TRIML1: variants seen among roughly 807,000 people sequenced by gnomAD.
TRIML1 encodes the protein tripartite motif family like 1.
Under a neutral mutation model 32.3 loss-of-function variants are expected in TRIML1, and 34 were observed. That is an observed-to-expected ratio of 1.05 (90% CI 0.80 to 1.40). TRIML1 has a LOEUF of 1.40. Ranked by LOEUF, TRIML1 falls within the 40% of genes most tolerant of loss-of-function variation. The pLI is 0.00. For missense variants in TRIML1, 595 were observed against 574.9 expected, an observed-to-expected ratio of 1.03 and a Z score of -0.36; for synonymous variants, 244 against 226.6, an observed-to-expected ratio of 1.08 and a Z score of -0.69.
rs745555450 is a variant in TRIML1, at chr4:188,139,831, G to T, written c.273G>T (p.Glu91Asp). 1.2e-6 allele frequency: 2 copies of T among 1,613,794 alleles called. No homozygotes were observed. Among genetic ancestry groups the T allele is most frequent in the Non-Finnish European group, 1.7e-6 (2 of 1,180,042 alleles). ...CCCAGGTGCTGCAGAGCGAGGATGA[G>T]CAGGGCAGCTACGGGAGGATGCCCA... is the stretch of plus-strand genomic sequence containing the variant. ...LRSQVLQSED[E>D]QGSYGRMPTT... is the part of the protein sequence containing the mutation. The change falls in exon 1 of 6, where the codon GAG becomes GAT. Residue 91 changes from glutamate to aspartate, a missense_variant. Glu to Asp is a conservative substitution (Grantham distance 45, BLOSUM62 2). Transcript: ENST00000332517.
chr4:188,145,789 C>T (rs1479874299), intron 5 of TRIML1, among the ~76,000 whole-genome samples: 2 of 152,174 alleles, frequency 1.3e-5, no homozygotes, highest in Admixed American at 6.5e-5. Flanking sequence ...GCAGTCCAGG[C>T]TGGGCAACAA....
chr4:188,142,573 T>C (rs1734904342), intron 3 of TRIML1, 91 bp downstream of exon 3: 2 of 1,049,592 alleles, frequency 1.9e-6, no homozygotes, highest in Admixed American at 2.7e-5. Context: ...TTATTCATCT[T>C]AAAAACTAAG....
At chr4:188,138,683 C>T (rs146684523), upstream of TRIML1, among the ~76,000 whole-genome samples, 33 of 152,110 alleles carry the variant, frequency 2.2e-4, no homozygotes, top group African/African-American at 7.2e-4. Flanking sequence ...TTGAAGGGGC[C>T]TAGTTTGGAA....
intron 2 of TRIML1, among the ~76,000 whole-genome samples, chr4:188,141,278 C>A (rs1040004318): frequency 1.3e-5 from 2 of 150,830 alleles, no homozygotes; most frequent in Non-Finnish European, 2.9e-5. Context: ...AGTGATTCTC[C>A]TGCCTCAGCC....
At chr4:188,141,194 GTC>G (rs554571767) in intron 2 of TRIML1, among the ~76,000 whole-genome samples, 1 of 117,198 alleles carries the variant, frequency 8.5e-6, no homozygotes, top group Non-Finnish European at 1.7e-5. Flanking sequence ...TGGAGATGGA[GTC>G]TCTCTCTGTC....
chr4:188,142,661 A>AG (rs199944407), intron 3 of TRIML1, among the ~76,000 whole-genome samples, 179 bp downstream of exon 3: 2,177 of 134,628 alleles, frequency 0.016, 53 homozygotes, highest in African/African-American at 0.072. Flanking sequence ...AGAGAGAGAG[A>AG]AAAAAAAAAA....
chr4:188,139,610 A>G lies in TRIML1; in HGVS notation c.52A>G (p.Ile18Val), dbSNP rs1734767703. Reference protein sequence around the residue: ...ENLREELTCFICLDYFSSPVT... With the variant: ...ENLREELTCFVCLDYFSSPVT... ...CCTCAGGGAGGAACTCACCTGTTTC[A>G]TCTGCTTAGACTATTTCAGCAGCCC... Residue 18 changes from isoleucine (I) to valine (V), a missense_variant, in exon 1 of 6, where the codon ATC becomes GTC. Transcript: ENST00000332517. 3.7e-6 allele frequency: 6 copies of G among 1,611,206 alleles called. 1 individual carries two copies. In the South Asian group the frequency reaches 6.6e-5, roughly 18 times the overall value.
rs944880324 is a variant in TRIML1 at position 188,140,517 on chromosome 4, T to C, written c.409-11T>C. ...TGCTCATTTGCCAGAAAGGGTTTGT[T>C]TCTATTGCAGGAGAAACTCCAGGAA... is the stretch of plus-strand genomic sequence containing the variant. On this transcript the variant is annotated splice_polypyrimidine_tract_variant and intron_variant, in intron 1 of 5. Transcript: ENST00000332517. The C allele has an allele frequency of 8.1e-6, 13 of 1,606,502 alleles. No individual in the cohort carries two copies. The African/African-American group carries it at 1.8e-4, about 22-fold the overall frequency.
At chr4:188,144,481 G>A (rs954082226) in intron 5 of TRIML1, among the ~76,000 whole-genome samples, 4 of 143,766 alleles carry the variant, frequency 2.8e-5, no homozygotes, top group Non-Finnish European at 4.6e-5. Flanking sequence ...TCCTGCCTCA[G>A]CCTCCCGAGT....
chr4:188,137,752 C>T (rs1734704501), upstream of TRIML1, among the ~76,000 whole-genome samples: 2 of 151,884 alleles, frequency 1.3e-5, no homozygotes, highest in Non-Finnish European at 2.9e-5. Context: ...GCTGGGATTA[C>T]AGGCATGAAC....
chr4:188,140,115 C>CT (rs1368581371), intron 1 of TRIML1, 149 bp downstream of exon 1: 20 of 793,776 alleles, frequency 2.5e-5, no homozygotes, highest in Admixed American at 9.5e-5. Flanking sequence ...AGTTTACACC[C>CT]TTTTTTTTCC....
chr4:188,142,640 T>C (rs1734906255), intron 3 of TRIML1, among the ~76,000 whole-genome samples, 158 bp downstream of exon 3: 1 of 150,600 alleles, frequency 6.6e-6, no homozygotes. Flanking sequence ...CAATAAAGCC[T>C]TATAGAAGAG....
At chr4:188,143,655 G>T in intron 3 of TRIML1, 183 bp from the exon 4 acceptor site, 1 of 711,174 alleles carries the variant, frequency 1.4e-6, no homozygotes, top group South Asian at 1.7e-5. Flanking sequence ...AACACCTTGT[G>T]TTCACCACAG....
At position 188,147,249 on chromosome 4, in the gene TRIML1, C is replaced by G. The variant is rs769024255; in HGVS notation, c.1284C>G (p.Leu428=). The G allele has an allele frequency of 6.3e-5, 101 of 1,599,884 alleles. 1 individual carries two copies. The highest frequency in any genetic ancestry group is 1.2e-4 in the Admixed American group (7 of 58,106). The change falls in exon 6 of 6, where the codon CTC becomes CTG. Residue 428 remains leucine (L), a synonymous_variant. Coordinates refer to ENST00000332517, the MANE Select transcript of TRIML1 (RefSeq NM_178556.5). ...TCTACAACGGGACGGATGAATCCCTCATCTACAGCTTCCCGCAGGCTTCTT... is the reference window on the plus strand; with the variant it reads ...TCTACAACGGGACGGATGAATCCCTGATCTACAGCTTCCCGCAGGCTTCTT... ...IAFYNGTDES[L]IYSFPQASFQ...
intron 2 of TRIML1, 73 bp from the exon 3 acceptor site, chr4:188,142,179 A>G (rs1734880345): frequency 1.8e-6 from 2 of 1,092,904 alleles, no homozygotes; most frequent in Non-Finnish European, 2.7e-6. Context: ...ATCTACAGAC[A>G]AGGGCATTTC....
At chr4:188,139,338 G>A (rs947052351), upstream of TRIML1, 6 of 432,850 alleles carry the variant, frequency 1.4e-5, no homozygotes, top group Admixed American at 4.0e-5. Context: ...GGGTTGGTGA[G>A]GAGCCCAGTA....
At chr4:188,145,544 C>T (rs1014291896) in intron 5 of TRIML1, among the ~76,000 whole-genome samples, 2 of 149,666 alleles carry the variant, frequency 1.3e-5, no homozygotes, top group Non-Finnish European at 3.0e-5. Context: ...AATCCTCAGC[C>T]AGGCATGGTG....
intron 5 of TRIML1, among the ~76,000 whole-genome samples, chr4:188,144,414 G>A (rs553801913): frequency 2.0e-5 from 3 of 150,686 alleles, no homozygotes; most frequent in Non-Finnish European, 4.4e-5. Flanking sequence ...CCGGGCTGGA[G>A]CGCAGGGGCG....
rs1224626083 is a variant in TRIML1 at position 188,146,704 on chromosome 4, GC to G, written c.857-114del. The G allele has an allele frequency of 7.3e-6, 6 of 827,182 alleles. No homozygotes were observed. The African/African-American group carries it at 8.8e-5, about 12-fold the overall frequency. 51.2% of individuals were successfully genotyped at this position (827,182 alleles called of 1,614,324 possible). ...TTACAGGCGCGAGCCATCACGCCCG[GC>G]CCCAAATTACATTTAAAAAACCAGG... On this transcript the variant is annotated intron_variant, in intron 5 of 5. Transcript: ENST00000332517.
Sources: gnomAD v4.1 joint callset for allele counts (sites outside exome capture counted in the v4.1 genomes callset) on GRCh38, gnomAD v4.1.1 for gene constraint, MANE v1.5 for transcripts, NCBI Gene and HGNC (gene_info 2026-07-23, HGNC 2026-07-21) for gene names.